Variants in NEK7 observed in about 807,000 individuals in gnomAD.
NEK7 encodes the protein NIMA related kinase 7.
NEK7 carries 18 observed loss-of-function variants against 44.6 expected under a neutral mutation model. That is an observed-to-expected ratio of 0.40 (90% CI 0.28 to 0.60). The LOEUF (loss-of-function observed/expected upper bound fraction) is 0.60, where lower values mean the gene tolerates loss of function less well. NEK7 is among the 20% of genes least tolerant of loss of function. The probability of loss-of-function intolerance (pLI) is 0.38; values close to 1 mark genes in which losing one functional copy is unlikely to be tolerated. For synonymous variants in NEK7, 130 were observed against 121.1 expected, an observed-to-expected ratio of 1.07 and a Z score of -0.48; for missense variants, 256 against 366.5, an observed-to-expected ratio of 0.70 and a Z score of 2.46.
At chr1:198,252,987 G>A (rs1397840871) in intron 2 of NEK7, 53 bp from the exon 3 acceptor site, 13 of 1,455,804 alleles carry the variant, frequency 8.9e-6, no homozygotes, top group African/African-American at 8.4e-5. Flanking sequence ...GTGATTGTGT[G>A]TATTGCGTGT....
chr1:198,297,446 A>G (rs1411283420), intron 9 of NEK7, among the ~76,000 whole-genome samples: 1 of 152,238 alleles, frequency 6.6e-6, no homozygotes, highest in African/African-American at 2.4e-5. Context: ...AACACAACAC[A>G]GCATGTGGTG....
chr1:198,184,258 A>G (rs906903609), intron 1 of NEK7, among the ~76,000 whole-genome samples: 1 of 152,170 alleles, frequency 6.6e-6, no homozygotes, highest in Non-Finnish European at 1.5e-5. Flanking sequence ...AATGTATGGA[A>G]TGTTTCACCT....
rs147805522 is a variant in NEK7 at position 198,311,319 on chromosome 1, A to T, written c.799-8093A>T. Among the ~76,000 whole-genome samples, 793 of 152,146 alleles carry T rather than the reference A, an allele frequency of 5.2e-3. 10 individuals carry two copies. Among genetic ancestry groups the T allele is most frequent in the African/African-American group, 0.018 (759 of 41,456 alleles). On this transcript the variant is annotated intron_variant, in intron 9 of 9. Coordinates refer to ENST00000367385, the MANE Select transcript of NEK7 (RefSeq NM_133494.3). ...CTGAGACTTTGCTAAGTTGCTTATC[A>T]GCTTGAGGAGATTTTGGCCTGAGAC... is the stretch of plus-strand genomic sequence containing the variant.
At chr1:198,318,715 G>T (rs933408712) in intron 9 of NEK7, among the ~76,000 whole-genome samples, 1 of 152,024 alleles carries the variant, frequency 6.6e-6, no homozygotes, top group African/African-American at 2.4e-5. Flanking sequence ...CTACCCGATG[G>T]ATCGAGGACC....
chr1:198,268,208 C>G (rs1653717156), intron 5 of NEK7, among the ~76,000 whole-genome samples: 1 of 151,424 alleles, frequency 6.6e-6, no homozygotes, highest in Admixed American at 6.6e-5. Flanking sequence ...TTCAATTACT[C>G]TCTATACTCT....
At chr1:198,293,138 A>G in intron 8 of NEK7, 99 bp downstream of exon 8, 1 of 635,196 alleles carries the variant, frequency 1.6e-6, no homozygotes, top group Non-Finnish European at 2.7e-6. Flanking sequence ...GATGTTTAAG[A>G]ATCACCTTTT....
chr1:198,185,506 A>G (rs1409632864), intron 1 of NEK7, among the ~76,000 whole-genome samples: 1 of 152,080 alleles, frequency 6.6e-6, no homozygotes, highest in Non-Finnish European at 1.5e-5. Context: ...TCTTACTCTG[A>G]CTTGTAGAAC....
intron 3 of NEK7, among the ~76,000 whole-genome samples, chr1:198,259,357 A>G (rs1653379269): frequency 6.6e-6 from 1 of 152,126 alleles, no homozygotes. Context: ...TTAAATACAT[A>G]TATGTCTCCA....
At chr1:198,307,538 AC>A (rs1183825463) in intron 9 of NEK7, among the ~76,000 whole-genome samples, 4 of 152,126 alleles carry the variant, frequency 2.6e-5, no homozygotes, top group Admixed American at 2.6e-4. Flanking sequence ...ATTTCATAGG[AC>A]CCACTACACG....
In NEK7 at chr1:198,319,633, T is replaced by C; in HGVS notation, c.*111T>C. 1 of 1,287,186 alleles carries C rather than the reference T, an allele frequency of 7.8e-7. No individual in the cohort carries two copies. Among genetic ancestry groups the C allele is most frequent in the Non-Finnish European group, 1.0e-6 (1 of 993,408 alleles). 79.7% of individuals were successfully genotyped at this position (1,287,186 alleles called of 1,614,324 possible). ...ATTAATATTTCAGAGCTAGTGTGCT[T>C]TGAATCCTTAACCAGTTTTCATATA... On this transcript the variant is annotated 3_prime_UTR_variant, in exon 10 of 10. Coordinates refer to ENST00000367385, the MANE Select transcript of NEK7 (RefSeq NM_133494.3).
At chr1:198,314,491 TGGA>T (rs1345438891) in intron 9 of NEK7, among the ~76,000 whole-genome samples, 2 of 152,208 alleles carry the variant, frequency 1.3e-5, no homozygotes, top group Non-Finnish European at 2.9e-5. Flanking sequence ...TGCATTCCTT[TGGA>T]GGAGGAGAGG....
chr1:198,215,946 C>T (rs966354617), intron 1 of NEK7, among the ~76,000 whole-genome samples: 1 of 152,058 alleles, frequency 6.6e-6, no homozygotes, highest in African/African-American at 2.4e-5. Context: ...GAGATAGCAA[C>T]ACAACAGTAG....
intron 9 of NEK7, among the ~76,000 whole-genome samples, chr1:198,317,884 T>TA (rs1553258436): frequency 5.6e-5 from 8 of 143,302 alleles, no homozygotes; most frequent in Non-Finnish European, 7.7e-5. Context: ...TTTATTTTTT[T>TA]TTTTTTTTTT....
At chr1:198,282,757 A>G (rs79056136) in intron 7 of NEK7, among the ~76,000 whole-genome samples, 3,611 of 152,230 alleles carry the variant, frequency 0.024, 98 homozygotes, top group Non-Finnish European at 0.035. Flanking sequence ...TCCAGGTACA[A>G]TTTATTTATT....
At chr1:198,281,517 CT>C (rs1654197646) in intron 7 of NEK7, among the ~76,000 whole-genome samples, 1 of 151,936 alleles carries the variant, frequency 6.6e-6, no homozygotes, top group Non-Finnish European at 1.5e-5. Flanking sequence ...AAAGAAAAAT[CT>C]GAGTAAGTTT....
chr1:198,158,097 G>A (rs554711387), intron 1 of NEK7, among the ~76,000 whole-genome samples: 1 of 152,154 alleles, frequency 6.6e-6, no homozygotes, highest in South Asian at 2.1e-4. Flanking sequence ...TAAAACCGCA[G>A]CATCCTCTAT....
At chr1:198,232,485 G>A (rs1057269213) in intron 1 of NEK7, 68 bp from the exon 2 acceptor site, 21 of 726,546 alleles carry the variant, frequency 2.9e-5, no homozygotes, top group East Asian at 5.3e-5. Context: ...TGCATGTGTC[G>A]GTGTATGATG....
intron 1 of NEK7, among the ~76,000 whole-genome samples, chr1:198,225,717 G>A (rs1666199858): frequency 6.6e-6 from 1 of 152,134 alleles, no homozygotes; most frequent in Admixed American, 6.6e-5. Flanking sequence ...ATAAAGTGGT[G>A]TGTACTATAC....
chr1:198,168,597 G>T (rs1482785226), intron 1 of NEK7, among the ~76,000 whole-genome samples: 1 of 152,252 alleles, frequency 6.6e-6, no homozygotes, highest in Non-Finnish European at 1.5e-5. Context: ...ATACTTGCCT[G>T]AAATTTGAGG....
Sources: gnomAD v4.1 joint callset for allele counts (sites outside exome capture counted in the v4.1 genomes callset) on GRCh38, gnomAD v4.1.1 for gene constraint, MANE v1.5 for transcripts, NCBI Gene and HGNC (gene_info 2026-07-23, HGNC 2026-07-21) for gene names.